Variants in COL28A1 observed in about 807,000 individuals in gnomAD.
COL28A1 encodes collagen alpha-1(XXVIII) chain.
In COL28A1, 161 loss-of-function variants were observed where a neutral mutation model predicts 150.2. The observed-to-expected ratio is 1.07, with a 90% CI of 0.94 to 1.22. COL28A1 has a LOEUF of 1.22. COL28A1 is among the 50% of genes most tolerant of loss of function. The pLI is 0.00. For synonymous variants in COL28A1, 552 were observed against 469.7 expected, an observed-to-expected ratio of 1.18 and a Z score of -2.26; for missense variants, 1,617 against 1,388.3, an observed-to-expected ratio of 1.16 and a Z score of -2.62.
chr7:7,403,417 TGATA>T (rs1270287769), intron 27 of COL28A1, among the ~76,000 whole-genome samples: 1 of 152,356 alleles, frequency 6.6e-6, no homozygotes, highest in East Asian at 1.9e-4. Context: ...CTTGTTTTCT[TGATA>T]AATACAGAAA....
intron 15 of COL28A1, among the ~76,000 whole-genome samples, chr7:7,461,961 A>G (rs905425851): frequency 2.0e-5 from 3 of 152,138 alleles, no homozygotes; most frequent in African/African-American, 7.2e-5. Context: ...CTAACCAACC[A>G]AAGCTAAGGA....
chr7:7,348,424 C>A, the COL28A1 span, among the ~76,000 whole-genome samples: 1 of 152,008 alleles, frequency 6.6e-6, no homozygotes, highest in African/African-American at 2.4e-5. Context: ...AAATGCCAAG[C>A]TCATAAGAGA....
At chr7:7,497,953 G>C (rs1221009562) in intron 11 of COL28A1, among the ~76,000 whole-genome samples, 1 of 152,124 alleles carries the variant, frequency 6.6e-6, no homozygotes, top group Non-Finnish European at 1.5e-5. Flanking sequence ...AGCTATTTAG[G>C]TAAGAGAGAA....
At chr7:7,378,257 C>T (rs374507534) in intron 30 of COL28A1, among the ~76,000 whole-genome samples, 1 of 152,110 alleles carries the variant, frequency 6.6e-6, no homozygotes. Flanking sequence ...TTTCTCCTTC[C>T]CCACATTTGA....
intron 27 of COL28A1, among the ~76,000 whole-genome samples, chr7:7,384,207 A>T (rs187820816): frequency 1.3e-5 from 2 of 152,238 alleles, no homozygotes; most frequent in East Asian, 3.9e-4. Flanking sequence ...CTTGAGCCAA[A>T]CCCAGTGCAG....
intron 11 of COL28A1, among the ~76,000 whole-genome samples, chr7:7,491,845 G>T: frequency 6.6e-6 from 1 of 152,056 alleles, no homozygotes; most frequent in African/African-American, 2.4e-5. Context: ...ATTTTTTTCT[G>T]TTTATCAAAA....
In COL28A1 at chr7:7,378,428, G is replaced by A. The variant is rs115322649; in HGVS notation, c.2322+2232C>T. Among the ~76,000 whole-genome samples the A allele has an allele frequency of 4.4e-3, 667 of 152,252 alleles. 5 individuals are homozygous for A. The highest frequency in any genetic ancestry group is 0.015 in the African/African-American group (640 of 41,524). On this transcript the variant is annotated intron_variant, in intron 30 of 34. Coordinates refer to ENST00000399429, the MANE Select transcript of COL28A1 (RefSeq NM_001037763.3). ...ACAGGGAAGACTGGGGCCAGACACC[G>A]GGAAATGCTAACACCGAAGTGACAT... is the stretch of plus-strand genomic sequence containing the variant.
At chr7:7,358,916 A>C in intron 34 of COL28A1, 111 bp from the exon 35 acceptor site, 1 of 833,710 alleles carries the variant, frequency 1.2e-6, no homozygotes, top group Non-Finnish European at 1.8e-6. Flanking sequence ...GCACACTAAC[A>C]AACCAAGAAA....
At chr7:7,448,229 A>G (rs1393711314) in intron 18 of COL28A1, among the ~76,000 whole-genome samples, 1 of 152,210 alleles carries the variant, frequency 6.6e-6, no homozygotes, top group Non-Finnish European at 1.5e-5. Flanking sequence ...CAAGCACAAG[A>G]AACATATCTA....
intron 17 of COL28A1, among the ~76,000 whole-genome samples, chr7:7,452,987 T>C (rs928303224): frequency 1.3e-5 from 2 of 152,222 alleles, no homozygotes; most frequent in African/African-American, 4.8e-5. Context: ...GAAAAAATAA[T>C]AGTTCCAATC....
At chr7:7,395,721 G>A (rs17167227) in intron 27 of COL28A1, among the ~76,000 whole-genome samples, 15,913 of 152,248 alleles carry the variant, frequency 0.1, 897 homozygotes, top group Middle Eastern at 0.16. Flanking sequence ...ATGCAATCAT[G>A]CAACCATATC....
rs576304717 is a variant in COL28A1, at chr7:7,446,496, T to C, written c.1510-2007A>G. 2.9e-4 allele frequency among the ~76,000 whole-genome samples: 44 copies of C among 152,260 alleles called. No homozygotes were observed. In the South Asian group the frequency reaches 7.7e-3, roughly 27 times the overall value. ...TCTCCAAGATCACAAGCTTAGTTGG[T>C]TTTACAGTCAAGACTTACCAAACTT... On this transcript the variant is annotated intron_variant, in intron 18 of 34. Transcript: ENST00000399429.
intron 4 of COL28A1, among the ~76,000 whole-genome samples, chr7:7,523,629 C>T (rs951982083): frequency 2.0e-5 from 3 of 152,132 alleles, no homozygotes; most frequent in Admixed American, 1.3e-4. Flanking sequence ...CTCAGATGTT[C>T]CAAACTCTTT....
chr7:7,379,436 C>T (rs1416625901), intron 30 of COL28A1, among the ~76,000 whole-genome samples: 2 of 152,136 alleles, frequency 1.3e-5, no homozygotes, highest in African/African-American at 2.4e-5. Flanking sequence ...CCCTCAAACA[C>T]CATCATACAC....
intron 9 of COL28A1, among the ~76,000 whole-genome samples, chr7:7,510,726 T>G (rs1781084795): frequency 6.6e-6 from 1 of 152,212 alleles, no homozygotes; most frequent in Non-Finnish European, 1.5e-5. Flanking sequence ...TCACACTATT[T>G]TGGAAAGTGC....
intron 13 of COL28A1, among the ~76,000 whole-genome samples, chr7:7,486,621 G>A (rs187919211): frequency 6.6e-5 from 10 of 152,240 alleles, no homozygotes; most frequent in African/African-American, 2.4e-4. Flanking sequence ...CTTTCTGAGA[G>A]TTTCTATGAG....
chr7:7,431,638 G>A (rs1454018085), intron 25 of COL28A1: 2 of 471,080 alleles, frequency 4.2e-6, no homozygotes. Context: ...CATGGGAAGT[G>A]TTCAAAGTCT....
At position 7,490,617 on chromosome 7, in the gene COL28A1, A is replaced by G; in HGVS notation, c.1056T>C (p.Gly352=). 7.2e-7 allele frequency: 1 copy of G among 1,393,734 alleles called. No homozygotes were observed. The highest frequency in any genetic ancestry group is 1.0e-6 in the Non-Finnish European group (1 of 979,966). 86.3% of individuals were successfully genotyped at this position (1,393,734 alleles called of 1,614,324 possible). The change falls in exon 12 of 35, where the codon GGT becomes GGC. Residue 352 remains glycine (G), a synonymous_variant. Coordinates refer to ENST00000399429, the MANE Select transcript of COL28A1 (RefSeq NM_001037763.3). ...KGEPGPPGPY[G]SPGAPGIGQQ... ...GTCCAATTCCAGGAGCTCCTGGAGA[A>G]CCATAAGGACCAGGAGGACCTGGCT... is the stretch of plus-strand genomic sequence containing the variant.
intron 18 of COL28A1, among the ~76,000 whole-genome samples, chr7:7,449,722 T>C (rs1395338090): frequency 6.6e-6 from 1 of 152,004 alleles, no homozygotes; most frequent in African/African-American, 2.4e-5. Flanking sequence ...TATAGACCTA[T>C]ACTAGTTAGT....
Sources: allele counts gnomAD v4.1 joint callset (sites outside exome capture counted in the v4.1 genomes callset), GRCh38; gene constraint gnomAD v4.1.1; transcripts MANE v1.5; gene names NCBI Gene and HGNC (gene_info 2026-07-23, HGNC 2026-07-21).